IFNLR1: variants seen among roughly 807,000 people sequenced by gnomAD.
The protein encoded by IFNLR1 is interferon lambda receptor 1.
In IFNLR1, 28 loss-of-function variants were observed where a neutral mutation model predicts 52.5. The ratio of observed to expected loss-of-function variants is 0.53; its 90% CI spans 0.40 to 0.73. The LOEUF is 0.73. IFNLR1 is among the 30% of genes least tolerant of loss of function. The pLI is 0.00. For synonymous variants in IFNLR1, 276 were observed against 274.9 expected, an observed-to-expected ratio of 1.00 and a Z score of -0.04; for missense variants, 623 against 659.1, an observed-to-expected ratio of 0.95 and a Z score of 0.60.
intron 6 of IFNLR1, 161 bp downstream of exon 6, chr1:24,158,891 T>A: frequency 2.5e-6 from 2 of 787,442 alleles, no homozygotes. Context: ...CAGGACTAAA[T>A]GAATGCATTA....
chr1:24,159,246 C>T, intron 5 of IFNLR1, 64 bp from the exon 6 acceptor site: 3 of 1,574,246 alleles, frequency 1.9e-6, no homozygotes, highest in Non-Finnish European at 1.7e-6. Context: ...TGCACCTGTG[C>T]CGAGTGCTTC....
At chr1:24,161,038 T>A (rs941763943) in intron 4 of IFNLR1, among the ~76,000 whole-genome samples, 1 of 152,152 alleles carries the variant, frequency 6.6e-6, no homozygotes, top group Non-Finnish European at 1.5e-5. Flanking sequence ...GTAAACAGTT[T>A]TACTGGAACC....
intron 5 of IFNLR1, 89 bp from the exon 6 acceptor site, chr1:24,159,271 A>T (rs1644415001): frequency 6.7e-7 from 1 of 1,483,726 alleles, no homozygotes; most frequent in African/African-American, 1.4e-5. Context: ...ACATGACCCT[A>T]TTTAATCCTC....
At chr1:24,186,822 C>T (rs922338319) in intron 1 of IFNLR1, among the ~76,000 whole-genome samples, 1 of 152,232 alleles carries the variant, frequency 6.6e-6, no homozygotes, top group Non-Finnish European at 1.5e-5. Context: ...CCCACTTTCC[C>T]TGCTGTCCAC....
intron 1 of IFNLR1, among the ~76,000 whole-genome samples, chr1:24,183,443 T>G (rs1034592635): frequency 6.6e-6 from 1 of 152,102 alleles, no homozygotes; most frequent in Non-Finnish European, 1.5e-5. Flanking sequence ...ACAAAATAAA[T>G]TTTTTAAAAA....
intron 3 of IFNLR1, among the ~76,000 whole-genome samples, chr1:24,165,110 A>C (rs1399739709): frequency 3.3e-5 from 5 of 152,050 alleles, no homozygotes; most frequent in African/African-American, 1.2e-4. Flanking sequence ...GAACCTCCCA[A>C]ATCATCAAGT....
intron 1 of IFNLR1, 96 bp downstream of exon 1, chr1:24,187,094 AC>A (rs1644746246): frequency 3.9e-6 from 3 of 760,430 alleles, no homozygotes; most frequent in Non-Finnish European, 5.7e-6. Context: ...GTGGCTGCGG[AC>A]CCCGTGCCTG....
intron 1 of IFNLR1, among the ~76,000 whole-genome samples, chr1:24,185,504 G>A (rs1318143015): frequency 6.6e-6 from 1 of 152,214 alleles, no homozygotes; most frequent in African/African-American, 2.4e-5. Context: ...ATGGCATCAG[G>A]GAGGGAGGGT....
intron 2 of IFNLR1, among the ~76,000 whole-genome samples, chr1:24,172,001 C>T (rs1437163919): frequency 6.6e-6 from 1 of 151,870 alleles, no homozygotes; most frequent in African/African-American, 2.4e-5. Context: ...GAGGGGGTCT[C>T]ACTTTGTTGC....
intron 2 of IFNLR1, 142 bp from the exon 3 acceptor site, chr1:24,169,743 G>T: frequency 1.2e-6 from 1 of 815,430 alleles, no homozygotes; most frequent in Non-Finnish European, 1.9e-6. Context: ...CACTGGCTGA[G>T]ACAGGATAAG....
In IFNLR1 at chr1:24,157,553, G is replaced by A. The variant is rs1644395093; in HGVS notation, c.1140C>T (p.Ser380=). ...TTCTGTCTGAAGAATCCCAAGCAGA[G>A]GAGCCTTCGCTTGGGACCAGAGGAG... ...PRAPLVPSEG[S]SAWDSSDRSW... is the part of the protein sequence containing the mutation. The change falls in exon 7 of 7, where the codon TCC becomes TCT. Residue 380 remains serine, a synonymous_variant. Transcript: ENST00000327535. This position sits in a 1 kb window ranked among gnomAD's most constrained non-coding sequence, Gnocchi z 5.1. 1.2e-6 allele frequency: 2 copies of A among 1,612,272 alleles called. No homozygotes were observed. The highest frequency in any genetic ancestry group is 2.2e-5 in the East Asian group (1 of 44,854).
In IFNLR1 at chr1:24,161,685, C is replaced by G; in HGVS notation, c.368-1G>C. 6.7e-7 allele frequency: 1 copy of G among 1,495,074 alleles called. No homozygotes were observed. The allele number at this position is 1,495,074 out of a possible 1,614,324, so 92.6% of individuals were successfully genotyped here. On this transcript the variant is annotated splice_acceptor_variant, in intron 3 of 6. Coordinates refer to ENST00000327535, the MANE Select transcript of IFNLR1 (RefSeq NM_170743.4). LOFTEE classifies it high-confidence loss of function. ...ACCAGGACAGGTGGGGCCGGCTCCACTGCAGAAACAGAGCAGGACCTGTCA... is the reference window on the plus strand; with the variant it reads ...ACCAGGACAGGTGGGGCCGGCTCCAGTGCAGAAACAGAGCAGGACCTGTCA...
intron 3 of IFNLR1, among the ~76,000 whole-genome samples, chr1:24,162,551 T>A (rs1012569536): frequency 6.6e-6 from 1 of 152,166 alleles, no homozygotes. Flanking sequence ...AACAGAAGTG[T>A]ATTTGGCTCA....
intron 1 of IFNLR1, among the ~76,000 whole-genome samples, 173 bp from the exon 2 acceptor site, chr1:24,181,027 C>T (rs1458249087): frequency 6.6e-6 from 1 of 152,116 alleles, no homozygotes; most frequent in Non-Finnish European, 1.5e-5. Context: ...GACCCTTTGC[C>T]AGGAGGGGAG....
chr1:24,177,626 C>G (rs1644646462), intron 2 of IFNLR1, among the ~76,000 whole-genome samples: 2 of 152,200 alleles, frequency 1.3e-5, no homozygotes, highest in African/African-American at 4.8e-5. Context: ...CATTCCCAGT[C>G]CACTGACTCA....
At chr1:24,181,235 GAAT>G (rs1441334268) in intron 1 of IFNLR1, among the ~76,000 whole-genome samples, 1 of 152,194 alleles carries the variant, frequency 6.6e-6, no homozygotes, top group Non-Finnish European at 1.5e-5. Context: ...GTAAATGAAT[GAAT>G]ATTACAATAA....
intron 2 of IFNLR1, among the ~76,000 whole-genome samples, chr1:24,170,983 C>T (rs1166653363): frequency 3.9e-5 from 6 of 152,178 alleles, no homozygotes; most frequent in Admixed American, 2.6e-4. Flanking sequence ...CAAATATTCA[C>T]ACCAAAGGAA....
intron 1 of IFNLR1, among the ~76,000 whole-genome samples, chr1:24,185,602 T>C (rs1038501871): frequency 5.9e-5 from 9 of 152,222 alleles, no homozygotes; most frequent in Admixed American, 4.6e-4. Flanking sequence ...CACCTCATCC[T>C]GTGTCCTCTA....
intron 4 of IFNLR1, among the ~76,000 whole-genome samples, chr1:24,160,134 T>A (rs959111656): frequency 6.6e-6 from 1 of 152,114 alleles, no homozygotes; most frequent in African/African-American, 2.4e-5. Context: ...CCACTTGGGG[T>A]CGCCCTGGCG....
Sources: gnomAD v4.1 joint callset for allele counts (sites outside exome capture counted in the v4.1 genomes callset) on GRCh38, gnomAD v4.1.1 for gene constraint, Gnocchi (gnomAD v3.1) non-coding constraint, MANE v1.5 for transcripts, NCBI Gene and HGNC (gene_info 2026-07-23, HGNC 2026-07-21) for gene names.